ITGAV: variants seen among roughly 807,000 people sequenced by gnomAD.
ITGAV encodes the protein integrin alpha-V.
In ITGAV, 76 loss-of-function variants were observed where a neutral mutation model predicts 143.8. The observed-to-expected ratio is 0.53, with a 90% CI of 0.44 to 0.64. The LOEUF (loss-of-function observed/expected upper bound fraction) is 0.64. ITGAV is among the 30% of genes least tolerant of loss of function. ITGAV has a pLI of 0.00. For synonymous variants in ITGAV, 453 were observed against 446.7 expected (o/e 1.01, Z -0.18); for missense variants, 1,193 against 1,274.7 (o/e 0.94, Z 0.98).
chr2:186,647,629 T>C (rs1006943000), intron 13 of ITGAV, among the ~76,000 whole-genome samples: 2 of 152,190 alleles, frequency 1.3e-5, no homozygotes. Flanking sequence ...CTCATTATTA[T>C]ACCATTTCTG....
chr2:186,595,971 G>A (rs1351643810), intron 1 of ITGAV, among the ~76,000 whole-genome samples: 1 of 151,976 alleles, frequency 6.6e-6, no homozygotes, highest in Non-Finnish European at 1.5e-5. Context: ...ATGGCCCTTT[G>A]AAAACACTGA....
Position 186,622,330 on chromosome 2 carries a change from CT to C in ITGAV, c.317-3del, listed in dbSNP as rs1687552210. The C allele has an allele frequency of 2.5e-6, 4 of 1,591,666 alleles. No individual in the cohort carries two copies. Among genetic ancestry groups the C allele is most frequent in the South Asian group, 1.1e-5 (1 of 90,306 alleles). On this transcript the variant is annotated splice_polypyrimidine_tract_variant and splice_region_variant and intron_variant, in intron 2 of 29. Coordinates refer to ENST00000261023, the MANE Select transcript of ITGAV (RefSeq NM_002210.5). ...TTTGTGTCTTACCACTCACAATATTCTTTTTTAGGCAATAGAGATTATGCCA... is the reference window on the plus strand; with the variant it reads ...TTTGTGTCTTACCACTCACAATATTCTTTTTAGGCAATAGAGATTATGCCA...
At position 186,680,347 on chromosome 2, in the gene ITGAV, G is replaced by A. The variant is rs200292662; in HGVS notation, c.*3055G>A. 2 of 152,436 alleles carry A rather than the reference G, an allele frequency of 1.3e-5. No homozygotes were observed. The highest frequency in any genetic ancestry group is 2.9e-5 in the Non-Finnish European group (2 of 67,950). The allele number at this position is 152,436 out of a possible 1,614,324, so 9.4% of individuals were successfully genotyped here. A position where few individuals can be genotyped will look rare whatever the true frequency, so the allele number is the denominator to read the frequency against. On this transcript the variant is annotated 3_prime_UTR_variant, in exon 30 of 30. Transcript: ENST00000261023. ...TTCCTTTTAGTTTGTTGGTTGGCTG[G>A]TTTGAACGATAGAAATATGCAGCAT... is the stretch of plus-strand genomic sequence containing the variant.
At chr2:186,618,004 A>G in intron 2 of ITGAV, among the ~76,000 whole-genome samples, 1 of 152,200 alleles carries the variant, frequency 6.6e-6, no homozygotes, top group East Asian at 1.9e-4. Context: ...GTGATTCAAA[A>G]TATTTACTTC....
intron 13 of ITGAV, among the ~76,000 whole-genome samples, chr2:186,649,083 CTT>C (rs1688352042): frequency 1.4e-5 from 2 of 143,432 alleles, no homozygotes; most frequent in Non-Finnish European, 3.0e-5. Flanking sequence ...TTTTGTGTCT[CTT>C]TTTTCTTCTT....
intron 7 of ITGAV, 93 bp from the exon 8 acceptor site, chr2:186,636,972 T>C (rs1044798914): frequency 1.7e-5 from 17 of 1,006,994 alleles, no homozygotes; most frequent in African/African-American, 3.2e-5. Context: ...TAAAGGAGTT[T>C]CTTGAAAATA....
At chr2:186,605,490 A>G (rs1359585786) in intron 2 of ITGAV, among the ~76,000 whole-genome samples, 3 of 151,940 alleles carry the variant, frequency 2.0e-5, no homozygotes, top group South Asian at 4.2e-4. Context: ...CCTCTTCTCT[A>G]TTTTTCCCAG....
chr2:186,665,279 T>A, intron 21 of ITGAV, 61 bp downstream of exon 21: 1 of 1,058,906 alleles, frequency 9.4e-7, no homozygotes, highest in South Asian at 1.3e-5. Flanking sequence ...TATTGTTGTC[T>A]GGGCTCATAG....
At position 186,646,894 on chromosome 2, in the gene ITGAV, A is replaced by C. The variant is rs776400422; in HGVS notation, c.1351+17A>C. ...GATATCCAGGTGCTTTCTTATCAAC[A>C]CATAGAGCCCTTAGATTTTTCAGTC... On this transcript the variant is annotated intron_variant, in intron 13 of 29. Coordinates refer to ENST00000261023, the MANE Select transcript of ITGAV (RefSeq NM_002210.5). The C allele has an allele frequency of 6.6e-6, 10 of 1,525,676 alleles. No homozygotes were observed. The South Asian group carries it at 1.2e-4, about 19-fold the overall frequency. 94.5% of individuals were successfully genotyped at this position (1,525,676 alleles called of 1,614,324 possible).
chr2:186,604,735 A>G (rs1021836401), intron 2 of ITGAV, among the ~76,000 whole-genome samples: 1 of 152,080 alleles, frequency 6.6e-6, no homozygotes, highest in African/African-American at 2.4e-5. Context: ...GTGTCTTCAT[A>G]TTTGTTTGTA....
At chr2:186,663,604 G>A (rs1688807444) in intron 18 of ITGAV, among the ~76,000 whole-genome samples, 164 bp from the exon 19 acceptor site, 1 of 152,006 alleles carries the variant, frequency 6.6e-6, no homozygotes, top group African/African-American at 2.4e-5. Flanking sequence ...AAAATAAGTG[G>A]CCATGGTCTC....
intron 4 of ITGAV, among the ~76,000 whole-genome samples, chr2:186,627,498 G>T (rs143417676): frequency 6.6e-6 from 1 of 152,150 alleles, no homozygotes; most frequent in South Asian, 2.1e-4. Flanking sequence ...GAAAACATGC[G>T]TTCTAACAAT....
At position 186,594,920 on chromosome 2, in the gene ITGAV, C is replaced by T. The variant is rs61763612; in HGVS notation, c.185+4397C>T. ...GGCTATAATTTTGTTATTTAGAAAG[C>T]AAATCCTATATTACTTCTGATTAAG... is the stretch of plus-strand genomic sequence containing the variant. On this transcript the variant is annotated intron_variant, in intron 1 of 29. Coordinates refer to ENST00000261023, the MANE Select transcript of ITGAV (RefSeq NM_002210.5). 2.9e-3 allele frequency among the ~76,000 whole-genome samples: 437 copies of T among 152,238 alleles called. 1 individual carries two copies. Among genetic ancestry groups the T allele is most frequent in the African/African-American group, 0.01 (423 of 41,526 alleles).
chr2:186,620,721 C>T lies in ITGAV; in HGVS notation c.317-1618C>T, dbSNP rs868079369. The stretch of plus-strand genomic sequence containing the variant: ...GAGGCCACAGTGAGCTGTGATCACA[C>T]TACTGCCCTCCAAAAATAGAAATAT... On this transcript the variant is annotated intron_variant, in intron 2 of 29. Transcript: ENST00000261023. Among the ~76,000 whole-genome samples, 10 of 152,150 alleles carry T rather than the reference C, an allele frequency of 6.6e-5. No homozygotes were observed. The South Asian group carries it at 2.1e-3, about 31-fold the overall frequency.
At position 186,656,365 on chromosome 2, in the gene ITGAV, A is replaced by C. The variant is rs764565739; in HGVS notation, c.1683A>C (p.Gly561=). The C allele has an allele frequency of 3.9e-6, 6 of 1,545,436 alleles. No individual in the cohort carries two copies. The highest frequency in any genetic ancestry group is 5.2e-6 in the Non-Finnish European group (6 of 1,153,476). ...HSKNMTISRG[G]LMQCEELIAY... ...AGAACATGACTATTTCAAGGGGGGG[A>C]CTGATGCAGTGTGAGGAATTGATAG... The change falls in exon 17 of 30, where the codon GGA becomes GGC. Residue 561 remains glycine (G), a synonymous_variant. Transcript: ENST00000261023.
chr2:186,651,675 T>C (rs1000662801), intron 14 of ITGAV, among the ~76,000 whole-genome samples: 3 of 152,178 alleles, frequency 2.0e-5, no homozygotes, highest in Non-Finnish European at 2.9e-5. Context: ...TCGGTAGATA[T>C]CTCACAACTT....
chr2:186,655,964 G>C (rs567401941), intron 16 of ITGAV, among the ~76,000 whole-genome samples: 1 of 152,158 alleles, frequency 6.6e-6, no homozygotes, highest in Non-Finnish European at 1.5e-5. Context: ...TAAATTAAAA[G>C]ATAGCATTTC....
chr2:186,636,758 A>G (rs1384503733), intron 7 of ITGAV, among the ~76,000 whole-genome samples: 1 of 152,352 alleles, frequency 6.6e-6, no homozygotes, highest in Non-Finnish European at 1.5e-5. Context: ...CAGAAATAGT[A>G]CTTGCTGATT....
At chr2:186,609,793 C>T (rs1361350174) in intron 2 of ITGAV, among the ~76,000 whole-genome samples, 1 of 150,424 alleles carries the variant, frequency 6.6e-6, no homozygotes, top group Non-Finnish European at 1.5e-5. Flanking sequence ...ATGTGCCCTA[C>T]ATATATATAT....
Sources: gnomAD v4.1 joint callset for allele counts (sites outside exome capture counted in the v4.1 genomes callset) on GRCh38, gnomAD v4.1.1 for gene constraint, MANE v1.5 for transcripts, NCBI Gene and HGNC (gene_info 2026-07-23, HGNC 2026-07-21) for gene names.